Variants in NCOA4 observed in about 807,000 individuals in gnomAD.
NCOA4 encodes 70 kDa AR-activator.
In NCOA4, 31 loss-of-function variants were observed where a neutral mutation model predicts 69.5. That is an observed-to-expected ratio of 0.45 (90% confidence interval 0.34 to 0.60). The LOEUF (loss-of-function observed/expected upper bound fraction) is 0.60. Among genes scored for constraint, NCOA4 ranks in the 20% least tolerant of loss-of-function variants. NCOA4 has a pLI of 0.02. For missense variants in NCOA4, 600 were observed against 719.2 expected (o/e 0.83, Z 1.90); for synonymous variants, 228 against 252.4 (o/e 0.90, Z 0.92).
chr10:46,008,444 G>A (rs1838980992), intron 9 of NCOA4, among the ~76,000 whole-genome samples: 1 of 152,242 alleles, frequency 6.6e-6, no homozygotes, highest in African/African-American at 2.4e-5. Flanking sequence ...AGTGGAGGAA[G>A]TAACTGCAGA....
At chr10:46,012,857 T>G in intron 7 of NCOA4, 26 bp downstream of exon 7, 6 of 1,613,188 alleles carry the variant, frequency 3.7e-6, no homozygotes, top group Non-Finnish European at 5.1e-6. Context: ...GTGTCTACTG[T>G]AGAAACAATA....
intron 9 of NCOA4, chr10:46,009,180 G>A (rs1472780891): frequency 4.5e-6 from 7 of 1,550,896 alleles, no homozygotes; most frequent in Admixed American, 2.0e-5. Context: ...AATTCCCAAC[G>A]GTTACATCTT....
rs1839448602 is a variant in NCOA4, at chr10:46,014,917, G to C, written c.308C>G (p.Thr103Ser). Residue 103 changes from threonine to serine, a missense_variant, in exon 4 of 10, where the codon ACT (threonine) becomes AGT (serine). Physicochemically the swap from Thr to Ser is moderately conservative, Grantham distance 58 (BLOSUM62 1). Transcript: ENST00000581486. ...GTTTTGGGTACACTCCAGTTGATGA[G>C]TAAGACAATTGAACTGGCCCAATAA... ...YSLLGQFNCL[T>S]HQLECTQNKD... The C allele has an allele frequency of 6.2e-7, 1 of 1,614,092 alleles. No homozygotes were observed. Among genetic ancestry groups the C allele is most frequent in the Non-Finnish European group, 8.5e-7 (1 of 1,179,962 alleles).
intron 1 of NCOA4, chr10:46,023,347 C>T (rs1480798349): frequency 4.1e-6 from 4 of 985,528 alleles, no homozygotes; most frequent in Middle Eastern, 5.2e-4. Context: ...GCCAGGTCAC[C>T]GACTCACCAG....
At chr10:46,030,171 G>A (rs1360842819) in intron 1 of NCOA4, among the ~76,000 whole-genome samples, 3 of 152,244 alleles carry the variant, frequency 2.0e-5, no homozygotes, top group African/African-American at 7.2e-5. Flanking sequence ...GAGAGGGGAA[G>A]GCCGGCGGGG....
intron 7 of NCOA4, 64 bp from the exon 8 acceptor site, chr10:46,011,270 T>A (rs1485337123): frequency 4.0e-6 from 6 of 1,489,832 alleles, no homozygotes; most frequent in Non-Finnish European, 5.4e-6. Context: ...AGATTCTGTC[T>A]GCACTTTTTC....
chr10:46,009,716 A>G (rs1333928598), intron 8 of NCOA4, among the ~76,000 whole-genome samples, 165 bp from the exon 9 acceptor site: 2 of 152,240 alleles, frequency 1.3e-5, no homozygotes, highest in African/African-American at 4.8e-5. Context: ...TATTTTCCAT[A>G]AATAGCAATA....
rs1381919406 is a variant in NCOA4, at chr10:46,030,604, A to C, written c.-93T>G. 1 of 152,304 alleles carries C rather than the reference A, an allele frequency of 6.6e-6. No individual in the cohort carries two copies. Among genetic ancestry groups the C allele is most frequent in the Admixed American group, 6.5e-5 (1 of 15,284 alleles). The allele number at this position is 152,304 out of a possible 1,614,324, so 9.4% of individuals were successfully genotyped here. Reference sequence around the variant, plus strand: ...ACGGCCCCACACTAACCTACGGCCCAAAGGCAGAGTTCTCGCGACAACACA... The same window carrying C: ...ACGGCCCCACACTAACCTACGGCCCCAAGGCAGAGTTCTCGCGACAACACA... On this transcript the variant is annotated 5_prime_UTR_variant, in exon 1 of 10. Transcript: ENST00000581486.
At chr10:46,020,456 GTTA>G (rs1317324440) in intron 1 of NCOA4, among the ~76,000 whole-genome samples, 2 of 152,188 alleles carry the variant, frequency 1.3e-5, no homozygotes, top group African/African-American at 4.8e-5. Context: ...CATTGCAGTG[GTTA>G]TTGTTATCAG....
intron 5 of NCOA4, 95 bp downstream of exon 5, chr10:46,014,349 C>T: frequency 2.2e-6 from 2 of 890,000 alleles, no homozygotes; most frequent in Non-Finnish European, 1.8e-6. Context: ...TAATCAAATT[C>T]TCAAGAAAGT....
chr10:46,030,000 C>T (rs1016328914), intron 1 of NCOA4, among the ~76,000 whole-genome samples: 1 of 152,196 alleles, frequency 6.6e-6, no homozygotes, highest in Non-Finnish European at 1.5e-5. Context: ...ATGTGTTTGG[C>T]ACACAGAGGG....
intron 1 of NCOA4, among the ~76,000 whole-genome samples, chr10:46,028,581 AC>A (rs1840284462): frequency 6.6e-6 from 1 of 151,708 alleles, no homozygotes; most frequent in Non-Finnish European, 1.5e-5. Context: ...TAAATATATT[AC>A]CTACAGTCAC....
At chr10:46,023,144 T>A (rs1298942976) in intron 1 of NCOA4, among the ~76,000 whole-genome samples, 1 of 152,220 alleles carries the variant, frequency 6.6e-6, no homozygotes, top group African/African-American at 2.4e-5. Context: ...CAGTGACTCA[T>A]GCGGCTTTCT....
intron 1 of NCOA4, among the ~76,000 whole-genome samples, chr10:46,025,244 G>C (rs1840095355): frequency 6.6e-6 from 1 of 152,228 alleles, no homozygotes; most frequent in African/African-American, 2.4e-5. Flanking sequence ...CCAAAGACAG[G>C]AGAGGAAGAA....
rs80249940 is a variant in NCOA4 at position 46,013,349 on chromosome 10, T to C, written c.570+201A>G. 1.3e-4 allele frequency among the ~76,000 whole-genome samples: 20 copies of C among 152,350 alleles called. No individual in the cohort carries two copies. In the East Asian group the frequency reaches 3.9e-3, roughly 29 times the overall value. On this transcript the variant is annotated intron_variant, in intron 6 of 9. Transcript: ENST00000581486. ...TTCCTGTGAACTGATTGATAATTAC[T>C]TTTTCTGTTAATCAGCCCCGACAAG...
chr10:46,012,090 A>AAAAAAAAAAAAAAAG, intron 7 of NCOA4, among the ~76,000 whole-genome samples: 2 of 147,362 alleles, frequency 1.4e-5, no homozygotes, highest in Non-Finnish European at 3.0e-5. Context: ...AAAAAAAAAA[A>AAAAAAAAAAAAAAAG]AAAAAAAAAA....
chr10:46,016,126 A>G (rs1249040329), intron 2 of NCOA4, among the ~76,000 whole-genome samples: 1 of 152,228 alleles, frequency 6.6e-6, no homozygotes, highest in Non-Finnish European at 1.5e-5. Context: ...CATTTACAGA[A>G]CAATGCCATT....
At chr10:46,027,288 A>T in intron 1 of NCOA4, 1 of 704,868 alleles carries the variant, frequency 1.4e-6, no homozygotes, top group African/African-American at 1.9e-5. Flanking sequence ...AAAAAAAAAA[A>T]GAATGATTAA....
intron 1 of NCOA4, among the ~76,000 whole-genome samples, chr10:46,028,269 A>G (rs1554925865): frequency 6.6e-6 from 1 of 152,056 alleles, no homozygotes; most frequent in African/African-American, 2.4e-5. Flanking sequence ...AATATGCTTT[A>G]TTACTCTCCA....
Sources: allele counts gnomAD v4.1 joint callset (sites outside exome capture counted in the v4.1 genomes callset), GRCh38; gene constraint gnomAD v4.1.1; transcripts MANE v1.5; gene names NCBI Gene and HGNC (gene_info 2026-07-23, HGNC 2026-07-21).